WRN: variants seen among roughly 807,000 people sequenced by gnomAD.
The protein encoded by WRN is bifunctional 3'-5' exonuclease/ATP-dependent helicase WRN.
In WRN, 149 loss-of-function variants were observed where a neutral mutation model predicts 180.7. The ratio of observed to expected loss-of-function variants is 0.82; its 90% CI spans 0.72 to 0.94. WRN has a LOEUF of 0.94. Ranked by LOEUF, WRN falls within the 40% of genes least tolerant of loss-of-function variation. WRN has a pLI of 0.00. For synonymous variants in WRN, 548 were observed against 568.9 expected (o/e 0.96, Z 0.52); for missense variants, 1,661 against 1,700.1 (o/e 0.98, Z 0.40).
chr8:31,121,565 A>T (rs1447381719), intron 21 of WRN, among the ~76,000 whole-genome samples: 1 of 152,142 alleles, frequency 6.6e-6, no homozygotes, highest in African/African-American at 2.4e-5. Flanking sequence ...GTAAAAAAGG[A>T]ATCATGCAAC....
chr8:31,141,856 C>T, intron 26 of WRN, 81 bp downstream of exon 26: 1 of 1,332,192 alleles, frequency 7.5e-7, no homozygotes, highest in Non-Finnish European at 1.1e-6. Context: ...AGTTTATAGG[C>T]CTCTCACAAG....
Position 31,173,056 on chromosome 8 carries a change from G to A in WRN, c.4253G>A (p.Ser1418Asn), listed in dbSNP as rs762597300. 3.7e-6 allele frequency: 6 copies of A among 1,613,994 alleles called. No homozygotes were observed. The highest frequency in any genetic ancestry group is 1.3e-5 in the African/African-American group (1 of 75,034). Residue 1418 changes from serine (S) to asparagine (N), a missense_variant, in exon 35 of 35, where the codon AGC (serine) becomes AAC (asparagine). Physicochemically the swap from Ser to Asn is conservative, Grantham distance 46 (BLOSUM62 1). Transcript: ENST00000298139. ...TGGTTTGCCAAAGGAAGTGATACCA[G>A]CAAGAAATTAATGGACAAAACGAAA... ...PVWFAKGSDT[S>N]KKLMDKTKRG...
chr8:31,092,007 G>A, intron 16 of WRN, 109 bp downstream of exon 16: 1 of 1,012,748 alleles, frequency 9.9e-7, no homozygotes. Flanking sequence ...AGTAATTTAT[G>A]TCATTTCTAA....
rs560366339 is a variant in WRN at position 31,072,120 on chromosome 8, G to A, written c.724+3793G>A. On this transcript the variant is annotated intron_variant, in intron 7 of 34. Coordinates refer to ENST00000298139, the MANE Select transcript of WRN (RefSeq NM_000553.6). ...GAGGAACTCTTAGTGTTGAACATTTGCGTGGAGGAGGGGACACCAAAGGAG... is the reference window on the plus strand; with the variant it reads ...GAGGAACTCTTAGTGTTGAACATTTACGTGGAGGAGGGGACACCAAAGGAG... Among the ~76,000 whole-genome samples the A allele has an allele frequency of 2.0e-5, 3 of 152,344 alleles. No individual in the cohort carries two copies. The East Asian group carries it at 5.8e-4, about 29-fold the overall frequency.
chr8:31,141,845 C>G, intron 26 of WRN, 70 bp downstream of exon 26: 1 of 1,405,024 alleles, frequency 7.1e-7, no homozygotes, highest in South Asian at 1.2e-5. Flanking sequence ...CAAATTATAC[C>G]AGTTTATAGG....
chr8:31,152,081 C>A (rs74531016), intron 31 of WRN, among the ~76,000 whole-genome samples: 4,048 of 151,780 alleles, frequency 0.027, 181 homozygotes, highest in African/African-American at 0.089. Flanking sequence ...ATGATATAAT[C>A]CATAAATGTA....
At chr8:31,050,871 A>G (rs886802363) in intron 1 of WRN, among the ~76,000 whole-genome samples, 2 of 152,138 alleles carry the variant, frequency 1.3e-5, no homozygotes, top group African/African-American at 2.4e-5. Flanking sequence ...TTTTATTGTA[A>G]TCAGTATTTA....
chr8:31,062,494 G>A (rs1428520118), intron 3 of WRN, among the ~76,000 whole-genome samples: 2 of 149,642 alleles, frequency 1.3e-5, no homozygotes, highest in East Asian at 2.0e-4. Flanking sequence ...TGCAACCTCC[G>A]CCTCTTGGGC....
Position 31,132,055 on chromosome 8 carries a change from G to A in WRN, c.2826-310G>A, listed in dbSNP as rs11574331. Among the ~76,000 whole-genome samples the A allele has an allele frequency of 8.6e-5, 13 of 150,496 alleles. No homozygotes were observed. The East Asian group carries it at 2.2e-3, about 25-fold the overall frequency. ...TGGAGCTGTTCTAGCTATAAATATGGCAACTCTGCTTGCTCGTCCTATTAT... is the reference window on the plus strand; with the variant it reads ...TGGAGCTGTTCTAGCTATAAATATGACAACTCTGCTTGCTCGTCCTATTAT... On this transcript the variant is annotated intron_variant, in intron 23 of 34. Coordinates refer to ENST00000298139, the MANE Select transcript of WRN (RefSeq NM_000553.6).
chr8:31,152,352 G>A (rs1317538310), intron 31 of WRN, among the ~76,000 whole-genome samples: 1 of 151,532 alleles, frequency 6.6e-6, no homozygotes, highest in African/African-American at 2.4e-5. Flanking sequence ...AAGACTATAT[G>A]AACATGTATG....
Position 31,081,291 on chromosome 8 carries a change from A to G in WRN, c.1264A>G (p.Thr422Ala), listed in dbSNP as rs770185829. 1.2e-6 allele frequency: 2 copies of G among 1,613,368 alleles called. No homozygotes were observed. The highest frequency in any genetic ancestry group is 1.7e-6 in the Non-Finnish European group (2 of 1,179,520). Reference sequence around the variant, plus strand: ...TCTTAGTGATATTGCTTATAAATCTACTGAGGTACTAAATAAAGAGGAAGC... The same window carrying G: ...TCTTAGTGATATTGCTTATAAATCTGCTGAGGTACTAAATAAAGAGGAAGC... ...EYLSDIAYKS[T>A]EHLSPNDNEN... is the part of the protein sequence containing the mutation. Residue 422 changes from threonine to alanine, a missense_variant, in exon 9 of 35, where the codon ACT becomes GCT. Thr to Ala is a moderately conservative substitution (Grantham distance 58). Transcript: ENST00000298139.
intron 27 of WRN, among the ~76,000 whole-genome samples, chr8:31,143,061 T>A (rs1488918465): frequency 0.015 from 2,234 of 150,568 alleles, 54 homozygotes; most frequent in African/African-American, 0.051. Context: ...ACACATTCTC[T>A]CTCTCTCTCT....
rs1563344853 is a variant in WRN at position 31,090,834 on chromosome 8, G to A, written c.1721G>A (p.Gly574Glu). The change falls in exon 15 of 35, where the codon GGA (glycine) becomes GAA (glutamate). Residue 574 changes from glycine to glutamate, a missense_variant and splice_region_variant. By Grantham distance (98) the Gly-to-Glu change is moderately conservative. Around this residue, in one of 3 missense-constraint regions of WRN, gnomAD observed 1,141 missense variants for 1,149.4 expected, o/e 0.99. Transcript: ENST00000298139. ...ATTTTTATATTTTTTTCATTTCAAG[G>A]ATATGGAAAGAGTTTGTGCTTCCAG... ...RRDNVAVMAT[G>E]YGKSLCFQYP... is the part of the protein sequence containing the mutation. 3.7e-6 allele frequency: 6 copies of A among 1,603,214 alleles called. No homozygotes were observed. The highest frequency in any genetic ancestry group is 5.1e-6 in the Non-Finnish European group (6 of 1,173,744).
intron 1 of WRN, among the ~76,000 whole-genome samples, 157 bp downstream of exon 1, chr8:31,034,130 T>A (rs772626689): frequency 3.9e-5 from 6 of 152,078 alleles, no homozygotes; most frequent in Non-Finnish European, 8.8e-5. Context: ...CCTTTTCCTT[T>A]CCCCTCTGGA....
intron 18 of WRN, among the ~76,000 whole-genome samples, chr8:31,108,416 G>A (rs969165753): frequency 2.6e-5 from 4 of 152,054 alleles, no homozygotes; most frequent in African/African-American, 4.8e-5. Context: ...ACTTATAAGA[G>A]AAAAGGTTCT....
chr8:31,136,592 T>C (rs1323037112), intron 24 of WRN, among the ~76,000 whole-genome samples: 1 of 152,146 alleles, frequency 6.6e-6, no homozygotes, highest in Non-Finnish European at 1.5e-5. Flanking sequence ...TTCAGCACTT[T>C]TGGGAAGCCG....
intron 18 of WRN, among the ~76,000 whole-genome samples, chr8:31,106,818 G>A (rs1474203043): frequency 1.3e-5 from 2 of 152,120 alleles, no homozygotes; most frequent in East Asian, 1.9e-4. Context: ...TTGTAGGGAG[G>A]AGTTTTTGAT....
At chr8:31,135,826 T>TC (rs1363074233) in intron 24 of WRN, among the ~76,000 whole-genome samples, 1 of 152,154 alleles carries the variant, frequency 6.6e-6, no homozygotes, top group Non-Finnish European at 1.5e-5. Flanking sequence ...TTCTCTCTTC[T>TC]TTTTCTTTTT....
chr8:31,151,716 G>A (rs1374590252), intron 31 of WRN, among the ~76,000 whole-genome samples: 1 of 152,094 alleles, frequency 6.6e-6, no homozygotes, highest in African/African-American at 2.4e-5. Context: ...AGGGGAAAAG[G>A]TAAATTCCCC....
Sources: gnomAD v4.1 joint callset for allele counts (sites outside exome capture counted in the v4.1 genomes callset) on GRCh38, gnomAD v4.1.1 for gene constraint, gnomAD v4.1.1 regional missense constraint, MANE v1.5 for transcripts, NCBI Gene and HGNC (gene_info 2026-07-23, HGNC 2026-07-21) for gene names.